The following GABRA5 variants were observed in gnomAD, a reference collection of about 807,000 sequenced individuals.
The protein encoded by GABRA5 is gamma-aminobutyric acid type A receptor subunit alpha5, also known as gamma-aminobutyric acid receptor subunit alpha-5.
GABRA5 carries 18 observed loss-of-function variants against 47.3 expected under a neutral mutation model. That is an observed-to-expected ratio of 0.38 (90% CI 0.26 to 0.56). GABRA5 has a LOEUF of 0.56. Among genes scored for constraint, GABRA5 ranks in the 20% least tolerant of loss-of-function variants. The probability of loss-of-function intolerance (pLI) is 0.71; values close to 1 mark genes in which losing one functional copy is unlikely to be tolerated. For missense variants in GABRA5, 365 were observed against 599.3 expected, an observed-to-expected ratio of 0.61 and a Z score of 4.08; for synonymous variants, 237 against 229.3, an observed-to-expected ratio of 1.03 and a Z score of -0.30.
At chr15:26,924,493 GCC>G (rs1893912421) in intron 7 of GABRA5, among the ~76,000 whole-genome samples, 1 of 152,170 alleles carries the variant, frequency 6.6e-6, no homozygotes, top group Non-Finnish European at 1.5e-5. Context: ...AGAGGGAGTT[GCC>G]CCTGCTGGTT....
At chr15:26,913,266 C>T (rs1214719989) in intron 6 of GABRA5, among the ~76,000 whole-genome samples, 3 of 151,970 alleles carry the variant, frequency 2.0e-5, no homozygotes, top group Non-Finnish European at 4.4e-5. Context: ...ACACAAGCCT[C>T]TGTGAGTCAC....
intron 9 of GABRA5, among the ~76,000 whole-genome samples, chr15:26,940,933 C>T (rs1894369175): frequency 6.6e-6 from 1 of 152,200 alleles, no homozygotes; most frequent in Non-Finnish European, 1.5e-5. Flanking sequence ...CCTGGATGCT[C>T]ACATCTTTGT....
chr15:26,891,685 C>T (rs1300927274), intron 6 of GABRA5, among the ~76,000 whole-genome samples: 3 of 152,162 alleles, frequency 2.0e-5, no homozygotes, highest in African/African-American at 4.8e-5. Context: ...GGCAGGTCTG[C>T]GCGGCCTTGA....
At chr15:26,882,225 T>C (rs1566865628) in intron 4 of GABRA5, among the ~76,000 whole-genome samples, 1 of 152,164 alleles carries the variant, frequency 6.6e-6, no homozygotes, top group Non-Finnish European at 1.5e-5. Context: ...CCTCTCTGCC[T>C]TCCAGTCCTA....
chr15:26,935,554 G>C (rs973998348), intron 7 of GABRA5, among the ~76,000 whole-genome samples: 2 of 152,178 alleles, frequency 1.3e-5, no homozygotes, highest in African/African-American at 4.8e-5. Flanking sequence ...CCCTGGTCTC[G>C]GGTTAGTATG....
chr15:26,890,653 C>T (rs543508887), intron 6 of GABRA5, among the ~76,000 whole-genome samples: 1 of 152,210 alleles, frequency 6.6e-6, no homozygotes, highest in South Asian at 2.1e-4. Context: ...TGCTGTGGCC[C>T]CACTGCCTTT....
chr15:26,877,876 CTGT>C lies in GABRA5; in HGVS notation c.87-2965_87-2963del, dbSNP rs1345053838. ...TCAAATATTTCTGTTATGTCTAAGA[CTGT>C]TGTTAGTAATAGGGATATAATCTCA... On this transcript the variant is annotated intron_variant, in intron 3 of 10. Transcript: ENST00000335625. Among the ~76,000 whole-genome samples the C allele has an allele frequency of 2.0e-5, 3 of 152,140 alleles. No individual in the cohort carries two copies. The East Asian group carries it at 5.8e-4, about 29-fold the overall frequency.
intron 6 of GABRA5, among the ~76,000 whole-genome samples, chr15:26,893,335 CTA>C (rs770309705): frequency 0.021 from 40 of 1,944 alleles, 2 homozygotes; most frequent in South Asian, 0.2. Flanking sequence ...TGTTGTGTGT[CTA>C]TGGAGTGTCG....
chr15:26,946,626 A>G (rs1251449206), intron 10 of GABRA5, among the ~76,000 whole-genome samples: 2 of 152,130 alleles, frequency 1.3e-5, no homozygotes, highest in East Asian at 1.9e-4. Flanking sequence ...AAATATGGAC[A>G]TTGTGTGTAA....
rs1334010980 is a variant in GABRA5, at chr15:26,883,655, C to T, written c.497+98C>T. 1.0e-6 allele frequency: 1 copy of T among 998,062 alleles called. No individual in the cohort carries two copies. Among genetic ancestry groups the T allele is most frequent in the Non-Finnish European group, 1.4e-6 (1 of 705,768 alleles). 61.8% of individuals were successfully genotyped at this position (998,062 alleles called of 1,614,324 possible). A position where few individuals can be genotyped will look rare whatever the true frequency, so the allele number is the denominator to read the frequency against. On this transcript the variant is annotated intron_variant, in intron 6 of 10. Coordinates refer to ENST00000335625, the MANE Select transcript of GABRA5 (RefSeq NM_000810.4). This position sits in a 1 kb window ranked among gnomAD's most constrained non-coding sequence, Gnocchi z 4.8. ...GAGCTGCGCCGCGGAGCTGTTCTGA[C>T]CATAGGTCTGAGACTGCGGCGCGTG...
chr15:26,943,912 A>G (rs888692749), intron 10 of GABRA5, among the ~76,000 whole-genome samples: 6 of 152,214 alleles, frequency 3.9e-5, no homozygotes, highest in African/African-American at 1.4e-4. Flanking sequence ...TGTTCAAAGC[A>G]AAGAACCACC....
At chr15:26,919,744 G>T (rs146992266) in intron 7 of GABRA5, among the ~76,000 whole-genome samples, 3,387 of 152,042 alleles carry the variant, frequency 0.022, 120 homozygotes, top group African/African-American at 0.077. Flanking sequence ...TTATGCTATT[G>T]TGTTGCTATT....
intron 7 of GABRA5, among the ~76,000 whole-genome samples, chr15:26,936,473 T>G (rs577671364): frequency 6.6e-6 from 1 of 152,286 alleles, no homozygotes; most frequent in South Asian, 2.1e-4. Context: ...ATTAGGGAAG[T>G]TCTCTGTTTT....
intron 6 of GABRA5, among the ~76,000 whole-genome samples, chr15:26,888,812 A>C (rs1892938670): frequency 6.6e-6 from 1 of 152,220 alleles, no homozygotes; most frequent in Non-Finnish European, 1.5e-5. Context: ...AGTGAGGGTC[A>C]CCTTAGGGAA....
At chr15:26,892,337 G>A (rs141511090) in intron 6 of GABRA5, among the ~76,000 whole-genome samples, 129,544 of 152,258 alleles carry the variant, frequency 0.85, 55,512 homozygotes, top group Non-Finnish European at 0.9. Context: ...CAGTGTGGAC[G>A]GCGGCGTCAC....
At chr15:26,885,769 C>A (rs80063633) in intron 6 of GABRA5, among the ~76,000 whole-genome samples, 16,642 of 152,014 alleles carry the variant, frequency 0.11, 1,003 homozygotes, top group East Asian at 0.17. Flanking sequence ...CAGTCTCAGC[C>A]CTGTGTGTAG....
chr15:26,893,175 GGTGTGTGGTGT>G (rs1893058742), intron 6 of GABRA5, among the ~76,000 whole-genome samples: 1 of 144,230 alleles, frequency 6.9e-6, no homozygotes, highest in African/African-American at 2.6e-5. Flanking sequence ...GTGTGTATGT[GGTGTGTGGTGT>G]GTGTGTGTAT....
chr15:26,919,222 G>A (rs1327405465), intron 7 of GABRA5, among the ~76,000 whole-genome samples: 1 of 152,142 alleles, frequency 6.6e-6, no homozygotes, highest in African/African-American at 2.4e-5. Context: ...TTTGATTGAG[G>A]AGTTTAATTC....
At chr15:26,896,458 C>T (rs564817084) in intron 6 of GABRA5, among the ~76,000 whole-genome samples, 1 of 152,160 alleles carries the variant, frequency 6.6e-6, no homozygotes, top group Non-Finnish European at 1.5e-5. Context: ...TTGGATATTA[C>T]TATGGGCTGA....
Sources: gnomAD v4.1 joint callset for allele counts (sites outside exome capture counted in the v4.1 genomes callset) on GRCh38, gnomAD v4.1.1 for gene constraint, Gnocchi (gnomAD v3.1) non-coding constraint, MANE v1.5 for transcripts, NCBI Gene and HGNC (gene_info 2026-07-23, HGNC 2026-07-21) for gene names.